The following C12orf42 variants were observed in gnomAD, a reference collection of about 807,000 sequenced individuals.
C12orf42 encodes the protein chromosome 12 open reading frame 42.
C12orf42 carries 25 observed loss-of-function variants against 21.6 expected under a neutral mutation model. That is an observed-to-expected ratio of 1.16 (90% CI 0.84 to 1.62). The LOEUF is 1.62. Among genes scored for constraint, C12orf42 ranks in the 40% most tolerant of loss-of-function variants. The pLI is 0.00. For synonymous variants in C12orf42, 174 were observed against 175.0 expected, an observed-to-expected ratio of 0.99 and a Z score of 0.05; for missense variants, 483 against 459.3, an observed-to-expected ratio of 1.05 and a Z score of -0.47.
chr12:103,306,459 C>G, intron 4 of C12orf42, 114 bp from the exon 5 acceptor site: 1 of 1,283,268 alleles, frequency 7.8e-7, no homozygotes, highest in Non-Finnish European at 1.0e-6. Context: ...TGTGTTTCTA[C>G]TGTGAGTAAA....
chr12:103,194,130 CT>C, the C12orf42 span, among the ~76,000 whole-genome samples: 1 of 127,096 alleles, frequency 7.9e-6, no homozygotes, highest in African/African-American at 2.6e-5. Flanking sequence ...ACATCTCATG[CT>C]AAAAAAAAAA....
the C12orf42 span, among the ~76,000 whole-genome samples, chr12:103,537,876 C>T: frequency 6.6e-5 from 10 of 152,254 alleles, no homozygotes; most frequent in Admixed American, 5.2e-4. Flanking sequence ...AATGGATTTC[C>T]GGTTAATTAA....
At chr12:103,415,688 T>C (rs1593904389) in intron 2 of C12orf42, among the ~76,000 whole-genome samples, 4 of 152,302 alleles carry the variant, frequency 2.6e-5, no homozygotes, top group Middle Eastern at 3.4e-3. Flanking sequence ...CTGAGACTCA[T>C]GCTTTACAGT....
intron 3 of C12orf42, among the ~76,000 whole-genome samples, chr12:103,392,300 G>T (rs1236902608): frequency 6.6e-6 from 1 of 151,924 alleles, no homozygotes; most frequent in Non-Finnish European, 1.5e-5. Context: ...TTGGTTATTT[G>T]GGAATCCTTT....
At chr12:103,496,357 C>T (rs907515147), upstream of C12orf42, among the ~76,000 whole-genome samples, 4 of 152,148 alleles carry the variant, frequency 2.6e-5, no homozygotes, top group Non-Finnish European at 5.9e-5. Flanking sequence ...AATAATGCAG[C>T]CAACAGCAGG....
At chr12:103,128,459 T>C in the C12orf42 span, among the ~76,000 whole-genome samples, 1 of 152,204 alleles carries the variant, frequency 6.6e-6, no homozygotes, top group Non-Finnish European at 1.5e-5. Context: ...TAAAGTTTAA[T>C]CTTGCAACAC....
chr12:103,122,612 C>A, the C12orf42 span, among the ~76,000 whole-genome samples: 1 of 152,016 alleles, frequency 6.6e-6, no homozygotes, highest in East Asian at 1.9e-4. Flanking sequence ...GGTAGGAGAG[C>A]AAGTCATACA....
the C12orf42 span, among the ~76,000 whole-genome samples, chr12:103,554,287 A>G: frequency 1.3e-5 from 2 of 152,166 alleles, no homozygotes; most frequent in African/African-American, 4.8e-5. Context: ...GCCTGGAAAG[A>G]AAAGGGGAAA....
At chr12:103,393,572 C>G (rs2047256999) in intron 3 of C12orf42, among the ~76,000 whole-genome samples, 1 of 152,144 alleles carries the variant, frequency 6.6e-6, no homozygotes, top group Non-Finnish European at 1.5e-5. Context: ...ACACATGCTT[C>G]CGTTCCCTTA....
chr12:103,063,407 A>G, the C12orf42 span, among the ~76,000 whole-genome samples: 11 of 152,162 alleles, frequency 7.2e-5, no homozygotes, highest in Admixed American at 1.3e-4. Flanking sequence ...TTGAAAAAGA[A>G]TGGGACGTGC....
rs192376216 is a variant in C12orf42 at position 103,392,670 on chromosome 12, T to C, written c.147+8937A>G. 3.3e-5 allele frequency among the ~76,000 whole-genome samples: 5 copies of C among 152,376 alleles called. No individual in the cohort carries two copies. In the East Asian group the frequency reaches 9.6e-4, roughly 29 times the overall value. ...TAGACACACAACTGATTTCTGTATGTTGATTTTTCTGCAGCTTTGCTGAAT... is the reference window on the plus strand; with the variant it reads ...TAGACACACAACTGATTTCTGTATGCTGATTTTTCTGCAGCTTTGCTGAAT... On this transcript the variant is annotated intron_variant, in intron 3 of 5. Transcript: ENST00000548883.
At chr12:103,090,692 C>A in the C12orf42 span, among the ~76,000 whole-genome samples, 2 of 151,894 alleles carry the variant, frequency 1.3e-5, no homozygotes, top group African/African-American at 2.4e-5. Context: ...GAGGTTAAGG[C>A]ATTTTTTTTT....
the C12orf42 span, among the ~76,000 whole-genome samples, chr12:103,544,927 G>A: frequency 6.6e-6 from 1 of 152,052 alleles, no homozygotes; most frequent in Non-Finnish European, 1.5e-5. Flanking sequence ...AGGACTTTGG[G>A]TTCCCAGCAC....
intron 10 of C12orf42, among the ~76,000 whole-genome samples, chr12:103,250,961 A>G (rs989250815): frequency 6.6e-6 from 1 of 151,964 alleles, no homozygotes; most frequent in Admixed American, 6.6e-5. Flanking sequence ...ACTCAAATCC[A>G]TATTTCAAAT....
the C12orf42 span, among the ~76,000 whole-genome samples, chr12:103,523,573 C>T: frequency 6.6e-6 from 1 of 150,482 alleles, no homozygotes. Context: ...ATATAGTGTT[C>T]ATGTATACAG....
At chr12:103,211,547 G>A in the C12orf42 span, among the ~76,000 whole-genome samples, 1 of 152,172 alleles carries the variant, frequency 6.6e-6, no homozygotes, top group East Asian at 1.9e-4. Context: ...AGGTGCTAAG[G>A]AATGAAGGCA....
At chr12:103,256,825 C>T (rs1229230025) in intron 10 of C12orf42, among the ~76,000 whole-genome samples, 3 of 152,170 alleles carry the variant, frequency 2.0e-5, no homozygotes, top group African/African-American at 4.8e-5. Context: ...TATCAAGAAA[C>T]AAGCAATTAT....
intron 10 of C12orf42, among the ~76,000 whole-genome samples, chr12:103,254,203 A>C (rs2089359962): frequency 6.6e-6 from 1 of 152,164 alleles, no homozygotes; most frequent in African/African-American, 2.4e-5. Flanking sequence ...ATGGCTAGCC[A>C]CTTTTTCCAG....
chr12:103,080,173 C>T, the C12orf42 span, among the ~76,000 whole-genome samples: 1 of 152,104 alleles, frequency 6.6e-6, no homozygotes, highest in Non-Finnish European at 1.5e-5. Flanking sequence ...GCAGCAGCAT[C>T]TGATTTCCAG....
Sources: gnomAD v4.1 joint callset for allele counts (sites outside exome capture counted in the v4.1 genomes callset) on GRCh38, gnomAD v4.1.1 for gene constraint, MANE v1.5 for transcripts, NCBI Gene and HGNC (gene_info 2026-07-23, HGNC 2026-07-21) for gene names.